SMAP1: variants seen among roughly 807,000 people sequenced by gnomAD.
SMAP1 encodes the protein small ArfGAP 1.
SMAP1 carries 24 observed loss-of-function variants against 58.5 expected under a neutral mutation model. That is an observed-to-expected ratio of 0.41 (90% CI 0.30 to 0.58). The LOEUF is 0.58. Ranked by LOEUF, SMAP1 falls within the 20% of genes least tolerant of loss-of-function variation. The pLI is 0.29. For missense variants in SMAP1, 563 were observed against 566.3 expected (o/e 0.99, Z 0.06); for synonymous variants, 216 against 196.6 (o/e 1.10, Z -0.82).
chr6:70,688,928 T>A (rs542631057), intron 1 of SMAP1, among the ~76,000 whole-genome samples: 23 of 152,292 alleles, frequency 1.5e-4, no homozygotes, highest in African/African-American at 5.3e-4. Flanking sequence ...AAGTCCATGA[T>A]CCATTTTGAG....
chr6:70,690,463 C>T (rs1201986314), intron 1 of SMAP1, among the ~76,000 whole-genome samples: 8 of 151,896 alleles, frequency 5.3e-5, no homozygotes, highest in African/African-American at 1.7e-4. Context: ...TGCACCACCA[C>T]GGTCAGCTAA....
chr6:70,778,928 C>T (rs887446923), intron 4 of SMAP1, among the ~76,000 whole-genome samples: 6 of 152,248 alleles, frequency 3.9e-5, no homozygotes, highest in African/African-American at 1.4e-4. Flanking sequence ...GTCCTGTCCA[C>T]TGCACAGGCA....
At chr6:70,729,016 C>A (rs1029166187) in intron 1 of SMAP1, among the ~76,000 whole-genome samples, 2 of 151,506 alleles carry the variant, frequency 1.3e-5, no homozygotes, top group Non-Finnish European at 2.9e-5. Context: ...TTTTTTTTCC[C>A]TGTTTTTGAA....
intron 2 of SMAP1, among the ~76,000 whole-genome samples, chr6:70,747,039 T>A (rs972436167): frequency 6.6e-6 from 1 of 152,108 alleles, no homozygotes; most frequent in African/African-American, 2.4e-5. Context: ...GCACATAATA[T>A]TTTAGAGGTG....
At chr6:70,786,171 CCAGCATATAAA>C (rs1031547619) in intron 4 of SMAP1, among the ~76,000 whole-genome samples, 150 of 151,556 alleles carry the variant, frequency 9.9e-4, no homozygotes, top group African/African-American at 3.6e-3. Context: ...TAAATGTAAT[CCAGCATATAAA>C]CAGAACCAAA....
intron 4 of SMAP1, among the ~76,000 whole-genome samples, chr6:70,785,340 A>G (rs912993700): frequency 1.3e-5 from 2 of 152,228 alleles, no homozygotes; most frequent in Admixed American, 6.5e-5. Context: ...AAATGCCCAC[A>G]AGAGAAAGCA....
intron 3 of SMAP1, among the ~76,000 whole-genome samples, chr6:70,768,524 C>T (rs528321480): frequency 5.9e-5 from 9 of 152,048 alleles, no homozygotes; most frequent in East Asian, 3.9e-4. Flanking sequence ...CTAGATTATC[C>T]AGTTTATTTG....
intron 3 of SMAP1, among the ~76,000 whole-genome samples, chr6:70,768,499 A>T (rs1248017518): frequency 6.6e-6 from 1 of 152,192 alleles, no homozygotes; most frequent in East Asian, 1.9e-4. Flanking sequence ...GTGTCGAGGA[A>T]TTTATCCATT....
intron 1 of SMAP1, among the ~76,000 whole-genome samples, chr6:70,723,928 T>C (rs920483638): frequency 1.3e-5 from 2 of 150,802 alleles, no homozygotes; most frequent in Non-Finnish European, 3.0e-5. Context: ...TATTTTCTAT[T>C]ATGTTATTGG....
intron 2 of SMAP1, among the ~76,000 whole-genome samples, chr6:70,746,737 A>T (rs1398201635): frequency 6.6e-6 from 1 of 152,212 alleles, no homozygotes; most frequent in Non-Finnish European, 1.5e-5. Flanking sequence ...GAATAGTTTC[A>T]GAAGGAATGG....
chr6:70,802,812 C>G (rs528962695), intron 6 of SMAP1, among the ~76,000 whole-genome samples: 2 of 152,020 alleles, frequency 1.3e-5, no homozygotes, highest in Non-Finnish European at 2.9e-5. Context: ...TCACGTTTAT[C>G]GATTTGCGTA....
At chr6:70,676,055 A>C (rs1173666187) in intron 1 of SMAP1, among the ~76,000 whole-genome samples, 3 of 152,222 alleles carry the variant, frequency 2.0e-5, no homozygotes, top group Admixed American at 2.0e-4. Context: ...GTGTGGTCAC[A>C]GCTCACTGCT....
At chr6:70,759,765 G>T in intron 3 of SMAP1, 1 of 311,788 alleles carries the variant, frequency 3.2e-6, no homozygotes. Context: ...TTTCAGGAAA[G>T]ATGAGATTTT....
intron 6 of SMAP1, among the ~76,000 whole-genome samples, chr6:70,804,015 A>C (rs1053133360): frequency 6.6e-6 from 1 of 152,202 alleles, no homozygotes; most frequent in Non-Finnish European, 1.5e-5. Flanking sequence ...CACTTGGTGC[A>C]GAGATGAGTT....
At chr6:70,685,990 C>T (rs1766921924) in intron 1 of SMAP1, among the ~76,000 whole-genome samples, 1 of 152,138 alleles carries the variant, frequency 6.6e-6, no homozygotes, top group Non-Finnish European at 1.5e-5. Context: ...ACTGCAGCCT[C>T]AAACACCTGG....
At chr6:70,805,612 C>T (rs770144032) in intron 6 of SMAP1, among the ~76,000 whole-genome samples, 13 of 152,186 alleles carry the variant, frequency 8.5e-5, no homozygotes, top group Non-Finnish European at 1.5e-4. Flanking sequence ...AGCTTTTCTG[C>T]TCTGGTTTCT....
intron 1 of SMAP1, among the ~76,000 whole-genome samples, chr6:70,706,562 G>C (rs1482093388): frequency 6.6e-6 from 1 of 151,890 alleles, no homozygotes; most frequent in East Asian, 1.9e-4. Context: ...TCATATTTTT[G>C]GTTGTTTTAT....
intron 1 of SMAP1, among the ~76,000 whole-genome samples, chr6:70,725,711 C>A (rs1474944407): frequency 6.6e-6 from 1 of 152,234 alleles, no homozygotes. Context: ...CCCTCCTCTT[C>A]TGTTCCTCCT....
chr6:70,829,759 T>G, intron 6 of SMAP1, among the ~76,000 whole-genome samples: 1 of 152,244 alleles, frequency 6.6e-6, no homozygotes, highest in Non-Finnish European at 1.5e-5. Context: ...TAAAAGAAAA[T>G]TTTGAATAAT....
Sources: gnomAD v4.1 joint callset for allele counts (sites outside exome capture counted in the v4.1 genomes callset) on GRCh38, gnomAD v4.1.1 for gene constraint, MANE v1.5 for transcripts, NCBI Gene and HGNC (gene_info 2026-07-23, HGNC 2026-07-21) for gene names.